KCNQ4: variants seen among roughly 807,000 people sequenced by gnomAD.
KCNQ4 encodes the protein potassium voltage-gated channel subfamily Q member 4, also known as potassium voltage-gated channel subfamily KQT member 4.
A neutral mutation model predicts 72.6 loss-of-function variants in KCNQ4; 31 were observed. The observed-to-expected ratio is 0.43, with a 90% CI of 0.32 to 0.58. The LOEUF is 0.58. KCNQ4 is among the 20% of genes least tolerant of loss of function. KCNQ4 has a pLI of 0.08. For synonymous variants in KCNQ4, 405 were observed against 403.7 expected (o/e 1.00, Z -0.04); for missense variants, 869 against 962.6 (o/e 0.90, Z 1.29).
At chr1:40,810,018 C>T (rs1283486598) in intron 1 of KCNQ4, among the ~76,000 whole-genome samples, 1 of 151,528 alleles carries the variant, frequency 6.6e-6, no homozygotes, top group Non-Finnish European at 1.5e-5. Flanking sequence ...TGAGCCAACA[C>T]CACTGCACTC....
rs77174004 is a variant in KCNQ4 at position 40,810,747 on chromosome 1, G to A, written c.315-6518G>A. 1.9e-4 allele frequency among the ~76,000 whole-genome samples: 29 copies of A among 152,206 alleles called. No individual in the cohort carries two copies. The East Asian group carries it at 2.1e-3, about 11-fold the overall frequency. On this transcript the variant is annotated intron_variant, in intron 1 of 13. Coordinates refer to ENST00000347132, the MANE Select transcript of KCNQ4 (RefSeq NM_004700.4). Reference sequence around the variant, plus strand: ...AGAATCTGGAGCTGAGCTGATGGCCGATCCTCTCCACCCCACTGCTGGAGA... The same window carrying A: ...AGAATCTGGAGCTGAGCTGATGGCCAATCCTCTCCACCCCACTGCTGGAGA...
intron 10 of KCNQ4, 138 bp from the exon 11 acceptor site, chr1:40,832,876 C>CA: frequency 1.4e-6 from 1 of 709,096 alleles, no homozygotes; most frequent in East Asian, 2.7e-5. Context: ...ACACAGGAGC[C>CA]CCAAGAAGGT....
intron 1 of KCNQ4, among the ~76,000 whole-genome samples, chr1:40,804,276 G>A (rs1647682520): frequency 6.6e-6 from 1 of 152,182 alleles, no homozygotes; most frequent in Non-Finnish European, 1.5e-5. Flanking sequence ...GTGAGAGGCA[G>A]GTGCCTGAGT....
chr1:40,801,820 C>T, intron 1 of KCNQ4, among the ~76,000 whole-genome samples: 1 of 152,222 alleles, frequency 6.6e-6, no homozygotes, highest in Non-Finnish European at 1.5e-5. Context: ...CAGCCTGGCC[C>T]TCGGGGCCAG....
chr1:40,837,928 G>A, intron 13 of KCNQ4, 134 bp downstream of exon 13: 3 of 1,252,934 alleles, frequency 2.4e-6, no homozygotes, highest in Non-Finnish European at 3.3e-6. Context: ...CTCCCCGGCC[G>A]AAGCCCCCGC....
At chr1:40,792,805 A>G (rs1413396795) in intron 1 of KCNQ4, among the ~76,000 whole-genome samples, 2 of 152,094 alleles carry the variant, frequency 1.3e-5, no homozygotes, top group Non-Finnish European at 2.9e-5. Flanking sequence ...AAAAAAATAC[A>G]TTCGCCCTAT....
intron 1 of KCNQ4, among the ~76,000 whole-genome samples, chr1:40,793,349 CTT>C (rs946479026): frequency 1.5e-4 from 23 of 152,236 alleles, no homozygotes; most frequent in Admixed American, 1.4e-3. Context: ...GCTTTTCTCT[CTT>C]GGTTCTATCA....
At chr1:40,813,299 T>C (rs1647981099) in intron 1 of KCNQ4, among the ~76,000 whole-genome samples, 2 of 152,238 alleles carry the variant, frequency 1.3e-5, no homozygotes, top group South Asian at 2.1e-4. Flanking sequence ...CCTGGCTGCG[T>C]TGAAGGGAGT....
intron 1 of KCNQ4, among the ~76,000 whole-genome samples, chr1:40,802,528 C>T (rs954782209): frequency 6.6e-6 from 1 of 152,186 alleles, no homozygotes; most frequent in Non-Finnish European, 1.5e-5. Flanking sequence ...CACCATTCCC[C>T]GCCCCCGGCA....
chr1:40,838,004 G>A (rs987708401), intron 13 of KCNQ4, among the ~76,000 whole-genome samples: 6 of 135,326 alleles, frequency 4.4e-5, no homozygotes, highest in South Asian at 4.8e-4. Flanking sequence ...GGCTGCATAA[G>A]CCCGCCCATA....
At chr1:40,810,871 C>T (rs771274596) in intron 1 of KCNQ4, among the ~76,000 whole-genome samples, 4 of 152,188 alleles carry the variant, frequency 2.6e-5, no homozygotes, top group South Asian at 2.1e-4. Context: ...TAGTAGGGCC[C>T]GGTGGTCCAG....
At chr1:40,810,197 C>G (rs1201849146) in intron 1 of KCNQ4, among the ~76,000 whole-genome samples, 1 of 152,192 alleles carries the variant, frequency 6.6e-6, no homozygotes, top group Non-Finnish European at 1.5e-5. Flanking sequence ...GCCACACCAT[C>G]CAGAACTGCT....
intron 1 of KCNQ4, among the ~76,000 whole-genome samples, chr1:40,786,058 C>G (rs1294032053): frequency 6.6e-6 from 1 of 152,138 alleles, no homozygotes; most frequent in Non-Finnish European, 1.5e-5. Flanking sequence ...TATAAAGAGG[C>G]CCGTTGGAGT....
At chr1:40,799,167 C>T (rs1035073157) in intron 1 of KCNQ4, among the ~76,000 whole-genome samples, 16 of 152,364 alleles carry the variant, frequency 1.1e-4, no homozygotes, top group Admixed American at 9.8e-4. Flanking sequence ...CCCTGTCCTG[C>T]TTCTGCTCCC....
chr1:40,818,820 A>G, intron 4 of KCNQ4, 140 bp downstream of exon 4: 2 of 923,440 alleles, frequency 2.2e-6, no homozygotes, highest in Admixed American at 2.2e-5. Context: ...GAGCCCTAGC[A>G]GGAGGCGAGG....
At chr1:40,826,665 C>T (rs1317156075) in intron 9 of KCNQ4, 1 of 455,982 alleles carries the variant, frequency 2.2e-6, no homozygotes, top group East Asian at 6.9e-5. Flanking sequence ...AACGGAGTTT[C>T]TTTCGGATCC....
chr1:40,837,606 TC>T, intron 12 of KCNQ4, 58 bp from the exon 13 acceptor site: 2 of 1,583,764 alleles, frequency 1.3e-6, no homozygotes, highest in South Asian at 2.3e-5. Flanking sequence ...AACCTATAAT[TC>T]TTGTGGAAGG....
chr1:40,830,434 C>T (rs1258602421), intron 9 of KCNQ4, among the ~76,000 whole-genome samples: 1 of 152,154 alleles, frequency 6.6e-6, no homozygotes, highest in African/African-American at 2.4e-5. Context: ...AAAACCCTGA[C>T]CAGTGTGGGA....
intron 12 of KCNQ4, 92 bp downstream of exon 12, chr1:40,835,190 A>G: frequency 2.0e-6 from 3 of 1,489,718 alleles, no homozygotes; most frequent in Non-Finnish European, 2.7e-6. Context: ...AGCACCCCCA[A>G]GGGCTCACTG....
Sources: gnomAD v4.1 joint callset for allele counts (sites outside exome capture counted in the v4.1 genomes callset) on GRCh38, gnomAD v4.1.1 for gene constraint, MANE v1.5 for transcripts, NCBI Gene and HGNC (gene_info 2026-07-23, HGNC 2026-07-21) for gene names.